MKLN1: variants seen among roughly 807,000 people sequenced by gnomAD.
MKLN1 encodes muskelin.
MKLN1 carries 18 observed loss-of-function variants against 99.0 expected under a neutral mutation model. The observed-to-expected ratio is 0.18, with a 90% CI of 0.13 to 0.27. MKLN1 has a LOEUF of 0.27. Ranked by LOEUF, MKLN1 falls within the 10% of genes least tolerant of loss-of-function variation. The pLI, the probability that MKLN1 is intolerant of heterozygous loss-of-function variation, is 1.00. For missense variants in MKLN1, 621 were observed against 875.9 expected (o/e 0.71, Z 3.67); for synonymous variants, 288 against 293.2 (o/e 0.98, Z 0.18).
chr7:131,168,424 C>T (rs1584804546), intron 2 of MKLN1, among the ~76,000 whole-genome samples: 1 of 152,278 alleles, frequency 6.6e-6, no homozygotes, highest in Middle Eastern at 3.4e-3. Flanking sequence ...ACACAACTTG[C>T]CCCCATGCAC....
At chr7:131,305,585 A>G (rs1418671937) in intron 3 of MKLN1, among the ~76,000 whole-genome samples, 8 of 152,156 alleles carry the variant, frequency 5.3e-5, no homozygotes, top group Admixed American at 2.0e-4. Context: ...TCATCACTGT[A>G]CTAGTTTAAG....
At chr7:131,246,698 G>T (rs1797495288) in intron 3 of MKLN1, among the ~76,000 whole-genome samples, 1 of 151,240 alleles carries the variant, frequency 6.6e-6, no homozygotes, top group Non-Finnish European at 1.5e-5. Context: ...ATGTTGCCCA[G>T]GCTGGACTCC....
intron 3 of MKLN1, among the ~76,000 whole-genome samples, chr7:131,308,419 G>A (rs993293200): frequency 6.6e-5 from 10 of 151,980 alleles, no homozygotes; most frequent in Non-Finnish European, 1.2e-4. Context: ...GCATCACTAC[G>A]CCCAGCTAAT....
intron 17 of MKLN1, among the ~76,000 whole-genome samples, chr7:131,481,650 A>T (rs1369412836): frequency 6.6e-6 from 1 of 152,140 alleles, no homozygotes; most frequent in African/African-American, 2.4e-5. Flanking sequence ...ATAAACAAGA[A>T]GTACTTTTCA....
rs139356742 is a variant in MKLN1 at position 131,300,591 on chromosome 7, G to A, written c.-178-74833G>A. 2.8e-3 allele frequency among the ~76,000 whole-genome samples: 420 copies of A among 150,006 alleles called. 4 individuals carry two copies. Among genetic ancestry groups the A allele is most frequent in the African/African-American group, 1.0e-2 (408 of 40,834 alleles). The stretch of plus-strand genomic sequence containing the variant: ...AATCCCAGCTACTCCAGAGGCTAAG[G>A]CAGGAGAATCGCTTGAACTCCAGAG... On this transcript the variant is annotated intron_variant, in intron 3 of 7. Coordinates refer to the MKLN1 transcript ENST00000416992.
At chr7:131,343,624 A>G (rs1799472301) in intron 1 of MKLN1, among the ~76,000 whole-genome samples, 1 of 152,182 alleles carries the variant, frequency 6.6e-6, no homozygotes, top group Non-Finnish European at 1.5e-5. Context: ...TCAGAAGATA[A>G]CAAGCACTTA....
intron 1 of MKLN1, among the ~76,000 whole-genome samples, chr7:131,135,012 A>G (rs1795626571): frequency 6.6e-6 from 1 of 151,704 alleles, no homozygotes; most frequent in Admixed American, 6.6e-5. Context: ...CCCTCTCCAC[A>G]CCTTTGTGCC....
chr7:131,412,035 C>T (rs116383554), intron 7 of MKLN1, among the ~76,000 whole-genome samples: 2,194 of 151,560 alleles, frequency 0.014, 48 homozygotes, highest in African/African-American at 0.05. Flanking sequence ...TGCAGTCAGC[C>T]GTGTTCATAC....
At chr7:131,431,707 TAAC>T (rs887503958) in intron 9 of MKLN1, among the ~76,000 whole-genome samples, 11 of 152,162 alleles carry the variant, frequency 7.2e-5, no homozygotes, top group African/African-American at 2.7e-4. Context: ...AAATTGTAAA[TAAC>T]AACAACAATA....
intron 3 of MKLN1, among the ~76,000 whole-genome samples, chr7:131,304,418 G>T (rs1232117276): frequency 6.6e-6 from 1 of 152,206 alleles, no homozygotes; most frequent in Non-Finnish European, 1.5e-5. Context: ...AAGTGGTTGA[G>T]AATTGGGGAC....
chr7:131,438,033 C>A (rs1795724882), intron 10 of MKLN1, 36 bp downstream of exon 10: 7 of 1,485,698 alleles, frequency 4.7e-6, no homozygotes, highest in Non-Finnish European at 6.6e-6. Context: ...TGGAATTAAT[C>A]AGTGCTTAGT....
intron 8 of MKLN1, among the ~76,000 whole-genome samples, chr7:131,424,030 A>G (rs1235555477): frequency 6.6e-6 from 1 of 152,212 alleles, no homozygotes; most frequent in Non-Finnish European, 1.5e-5. Flanking sequence ...TGGCTTAAGA[A>G]GGGAAAGGTA....
intron 3 of MKLN1, among the ~76,000 whole-genome samples, chr7:131,243,646 G>A (rs1797440813): frequency 6.6e-6 from 1 of 152,164 alleles, no homozygotes; most frequent in Non-Finnish European, 1.5e-5. Context: ...GATGACCACG[G>A]CTAACTGCTA....
At chr7:131,320,727 T>G (rs1202031883) in intron 3 of MKLN1, among the ~76,000 whole-genome samples, 1 of 151,852 alleles carries the variant, frequency 6.6e-6, no homozygotes, top group Non-Finnish European at 1.5e-5. Context: ...TTAAACAAAT[T>G]TTCAAGAAAA....
chr7:131,476,578 G>T (rs766602058), intron 16 of MKLN1, among the ~76,000 whole-genome samples: 5 of 152,182 alleles, frequency 3.3e-5, no homozygotes, highest in Non-Finnish European at 7.4e-5. Context: ...TGAGTCTGTT[G>T]TAAGAAATTA....
upstream of MKLN1, among the ~76,000 whole-genome samples, chr7:131,322,989 G>A (rs886237502): frequency 2.6e-5 from 4 of 152,206 alleles, no homozygotes; most frequent in South Asian, 4.1e-4. Flanking sequence ...CCCCCGACAC[G>A]TGGGGATTAC....
chr7:131,353,829 T>C (rs1212657059), intron 1 of MKLN1, among the ~76,000 whole-genome samples: 1 of 150,410 alleles, frequency 6.6e-6, no homozygotes, highest in Non-Finnish European at 1.5e-5. Context: ...TTTTGGCTTA[T>C]AGTTGTCCAG....
chr7:131,466,941 A>C (rs1347611640), intron 15 of MKLN1, among the ~76,000 whole-genome samples: 2 of 152,118 alleles, frequency 1.3e-5, no homozygotes, highest in Admixed American at 1.3e-4. Flanking sequence ...GCGCGCACAC[A>C]CGCACGCAGG....
intron 9 of MKLN1, among the ~76,000 whole-genome samples, chr7:131,432,054 T>C (rs1333585137): frequency 1.3e-5 from 2 of 152,344 alleles, no homozygotes; most frequent in Non-Finnish European, 2.9e-5. Context: ...CCCCTTTTAA[T>C]ACTTGGATGG....
Sources: allele counts gnomAD v4.1 joint callset (sites outside exome capture counted in the v4.1 genomes callset), GRCh38; gene constraint gnomAD v4.1.1; transcripts MANE v1.5; gene names NCBI Gene and HGNC (gene_info 2026-07-23, HGNC 2026-07-21).